OTULIN: variants seen among roughly 807,000 people sequenced by gnomAD.
OTULIN encodes the protein ubiquitin thioesterase otulin.
A neutral mutation model predicts 39.6 loss-of-function variants in OTULIN; 15 were observed. The ratio of observed to expected loss-of-function variants is 0.38; its 90% CI spans 0.25 to 0.58. The LOEUF is 0.58. Among genes scored for constraint, OTULIN ranks in the 20% least tolerant of loss-of-function variants. OTULIN has a pLI of 0.66. For synonymous variants in OTULIN, 156 were observed against 170.3 expected (o/e 0.92, Z 0.65); for missense variants, 319 against 445.9 (o/e 0.72, Z 2.56).
In OTULIN at chr5:14,664,882, G is replaced by C. The variant is rs549057707; in HGVS notation, c.57G>C (p.Glu19Asp). The change falls in exon 1 of 7, where the codon GAG (glutamate) becomes GAC (aspartate). Residue 19 changes from glutamate (E) to aspartate (D), a missense_variant. Around this residue, in one of 4 missense-constraint regions of OTULIN, gnomAD observed 132 missense variants for 143.7 expected, o/e 0.92. Coordinates refer to ENST00000284274, the MANE Select transcript of OTULIN (RefSeq NM_138348.6). Reference sequence around the variant, plus strand: ...CGTGGCCAGGCGCGAGCTGCGCCGAGACGCCGGCGCGGGAGGCGGCGGCCA... The same window carrying C: ...CGTGGCCAGGCGCGAGCTGCGCCGACACGCCGGCGCGGGAGGCGGCGGCCA... ...PEAWPGASCA[E>D]TPAREAAATA... 5.9e-6 allele frequency: 7 copies of C among 1,192,302 alleles called. No individual in the cohort carries two copies. The South Asian group carries it at 2.5e-4, about 42-fold the overall frequency. 73.9% of individuals were successfully genotyped at this position (1,192,302 alleles called of 1,614,324 possible). A position where few individuals can be genotyped will look rare whatever the true frequency, so the allele number is the denominator to read the frequency against.
At chr5:14,710,262 G>A in the OTULIN span, 2 of 151,134 alleles carry the variant, frequency 1.3e-5, no homozygotes, top group South Asian at 4.2e-4. Flanking sequence ...GAGACTTAAA[G>A]CTTCAGTTCA....
At chr5:14,668,195 T>G (rs1579958137) in intron 1 of OTULIN, among the ~76,000 whole-genome samples, 1 of 152,214 alleles carries the variant, frequency 6.6e-6, no homozygotes, top group Non-Finnish European at 1.5e-5. Flanking sequence ...ATGTATTTTC[T>G]GCCCCACCCC....
In OTULIN at chr5:14,664,792, A is replaced by T. The variant is rs371286300; in HGVS notation, c.-34A>T. ...ACGGGAGGGGCTCCGGATCGTTCGGAGCCGGCTGAACCCCTTCGGCCGCGA... is the reference window on the plus strand; with the variant it reads ...ACGGGAGGGGCTCCGGATCGTTCGGTGCCGGCTGAACCCCTTCGGCCGCGA... On this transcript the variant is annotated 5_prime_UTR_variant, in exon 1 of 7. Coordinates refer to ENST00000284274, the MANE Select transcript of OTULIN (RefSeq NM_138348.6). 3.8e-5 allele frequency: 45 copies of T among 1,186,470 alleles called. No homozygotes were observed. In the African/African-American group the frequency reaches 6.0e-4, roughly 16 times the overall value. The allele number at this position is 1,186,470 out of a possible 1,614,324, so 73.5% of individuals were successfully genotyped here.
intron 1 of OTULIN, among the ~76,000 whole-genome samples, chr5:14,672,575 G>A (rs972271944): frequency 6.6e-6 from 1 of 152,054 alleles, no homozygotes. Context: ...TGGGGTATGC[G>A]CTCATGAGGC....
downstream of OTULIN, among the ~76,000 whole-genome samples, chr5:14,701,074 C>T (rs31968): frequency 0.69 from 104,610 of 152,106 alleles, 38,219 homozygotes; most frequent in Middle Eastern, 0.85. Context: ...TCCTGTCGGC[C>T]GCCCTTCCTG....
intron 5 of OTULIN, chr5:14,687,949 A>G (rs1283638014): frequency 5.3e-6 from 1 of 188,650 alleles, no homozygotes; most frequent in Non-Finnish European, 1.1e-5. Context: ...TTATGTTTCA[A>G]GAATATAATT....
In OTULIN at chr5:14,693,150, A is replaced by G; in HGVS notation, c.*102A>G. Reference sequence around the variant, plus strand: ...GGGTCTCTAAGAACAATCTCTGAGAAGAACCCTTGGGCCCCTGGGAGCCAA... The same window carrying G: ...GGGTCTCTAAGAACAATCTCTGAGAGGAACCCTTGGGCCCCTGGGAGCCAA... On this transcript the variant is annotated 3_prime_UTR_variant, in exon 7 of 7. Coordinates refer to ENST00000284274, the MANE Select transcript of OTULIN (RefSeq NM_138348.6). The G allele has an allele frequency of 8.4e-7, 1 of 1,197,534 alleles. No homozygotes were observed. The allele number at this position is 1,197,534 out of a possible 1,614,324, so 74.2% of individuals were successfully genotyped here.
the OTULIN span, among the ~76,000 whole-genome samples, chr5:14,712,171 G>A: frequency 9.7e-4 from 148 of 152,332 alleles, no homozygotes; most frequent in African/African-American, 3.3e-3. Flanking sequence ...CCATGGCTGG[G>A]GAAGCCCAAC....
intron 2 of OTULIN, among the ~76,000 whole-genome samples, chr5:14,674,973 G>A (rs1277399979): frequency 1.3e-5 from 2 of 152,066 alleles, no homozygotes; most frequent in African/African-American, 4.8e-5. Flanking sequence ...GGAAACAAAA[G>A]GAAGTCAGAA....
chr5:14,715,420 T>TG, the OTULIN span, among the ~76,000 whole-genome samples: 1 of 152,086 alleles, frequency 6.6e-6, no homozygotes, highest in Non-Finnish European at 1.5e-5. Context: ...CATAAGCCAC[T>TG]GCGCCCGGCC....
chr5:14,665,057 C>T (rs1579955494), intron 1 of OTULIN, 80 bp downstream of exon 1: 17 of 889,666 alleles, frequency 1.9e-5, no homozygotes, highest in Non-Finnish European at 2.2e-5. Flanking sequence ...GGTGGGGAGT[C>T]GTCAGCGGAG....
At chr5:14,673,226 G>A (rs924892120) in intron 1 of OTULIN, among the ~76,000 whole-genome samples, 5 of 152,140 alleles carry the variant, frequency 3.3e-5, no homozygotes, top group African/African-American at 1.2e-4. Flanking sequence ...TACAAAGGTC[G>A]GCAATGGGGC....
intron 1 of OTULIN, among the ~76,000 whole-genome samples, chr5:14,668,823 A>G (rs2126812458): frequency 6.6e-6 from 1 of 152,342 alleles, no homozygotes; most frequent in African/African-American, 2.4e-5. Context: ...CTGGCTTCAC[A>G]GAAATGCCTT....
intron 3 of OTULIN, among the ~76,000 whole-genome samples, chr5:14,679,253 A>G (rs1420371190): frequency 6.6e-6 from 1 of 152,176 alleles, no homozygotes; most frequent in Admixed American, 6.5e-5. Context: ...GATAGTCTCC[A>G]AGGCTGTGGG....
chr5:14,710,134 G>A, the OTULIN span: 1 of 152,184 alleles, frequency 6.6e-6, no homozygotes, highest in Non-Finnish European at 1.5e-5. Context: ...TGGGAGGGAA[G>A]TACCGTAGTA....
rs942678290 is a variant in OTULIN, at chr5:14,697,732, T to C, written c.*4684T>C. ...ATTAATGGAGGAGGACACTGTGTTT[T>C]CTCAATTAATCTCATTGATTTGTTT... On this transcript the variant is annotated 3_prime_UTR_variant, in exon 7 of 7. Transcript: ENST00000284274. 13 of 152,130 alleles carry C rather than the reference T, an allele frequency of 8.5e-5. No individual in the cohort carries two copies. The highest frequency in any genetic ancestry group is 3.1e-4 in the African/African-American group (13 of 41,372). The allele number at this position is 152,130 out of a possible 1,614,324, so 9.4% of individuals were successfully genotyped here. A position where few individuals can be genotyped will look rare whatever the true frequency, so the allele number is the denominator to read the frequency against.
chr5:14,702,596 A>G (rs762598918), downstream of OTULIN, among the ~76,000 whole-genome samples: 2 of 152,118 alleles, frequency 1.3e-5, no homozygotes, highest in Non-Finnish European at 2.9e-5. Flanking sequence ...CTGGCATGAT[A>G]AAAAGCATGA....
At chr5:14,716,349 T>A in the OTULIN span, among the ~76,000 whole-genome samples, 1 of 152,046 alleles carries the variant, frequency 6.6e-6, no homozygotes, top group Non-Finnish European at 1.5e-5. Context: ...AAAAATTAGT[T>A]GGGTATGGTG....
intron 4 of OTULIN, among the ~76,000 whole-genome samples, chr5:14,684,611 G>A (rs1736339811): frequency 6.6e-6 from 1 of 152,200 alleles, no homozygotes; most frequent in African/African-American, 2.4e-5. Flanking sequence ...TTTGTTGAGT[G>A]AGCGTTTCTT....
Sources: allele counts gnomAD v4.1 joint callset (sites outside exome capture counted in the v4.1 genomes callset), GRCh38; gene constraint gnomAD v4.1.1; regional missense constraint gnomAD v4.1.1; transcripts MANE v1.5; gene names NCBI Gene and HGNC (gene_info 2026-07-23, HGNC 2026-07-21).